Variants in NELL2 observed in about 807,000 individuals in gnomAD.
NELL2 encodes protein kinase C-binding protein NELL2.
A neutral mutation model predicts 109.6 loss-of-function variants in NELL2; 41 were observed. The ratio of observed to expected loss-of-function variants is 0.37; its 90% CI spans 0.29 to 0.49. The LOEUF (loss-of-function observed/expected upper bound fraction) is 0.49. Among genes scored for constraint, NELL2 ranks in the 20% least tolerant of loss-of-function variants. The pLI is 0.98. For synonymous variants in NELL2, 355 were observed against 344.7 expected (o/e 1.03, Z -0.33); for missense variants, 900 against 1,008.3 (o/e 0.89, Z 1.45).
At chr12:44,698,173 A>G (rs1282373048) in intron 12 of NELL2, among the ~76,000 whole-genome samples, 1 of 152,192 alleles carries the variant, frequency 6.6e-6, no homozygotes, top group Non-Finnish European at 1.5e-5. Context: ...TCATCTTAAC[A>G]CATTAAATCT....
intron 9 of NELL2, among the ~76,000 whole-genome samples, chr12:44,762,367 A>C (rs1359367633): frequency 6.6e-6 from 1 of 152,142 alleles, no homozygotes; most frequent in Non-Finnish European, 1.5e-5. Flanking sequence ...TCTTTCACTC[A>C]TACCCATTTC....
rs150515945 is a variant in NELL2 at position 44,701,799 on chromosome 12, C to T, written c.1318+1927G>A. Among the ~76,000 whole-genome samples the T allele has an allele frequency of 3.5e-3, 539 of 152,184 alleles. 9 individuals carry two copies. The highest frequency in any genetic ancestry group is 0.016 in the East Asian group (82 of 5,174). ...CAATTTCCACAGCTCCCCATCACTCCCAACACAATAGTTCATCTATCACAC... is the reference window on the plus strand; with the variant it reads ...CAATTTCCACAGCTCCCCATCACTCTCAACACAATAGTTCATCTATCACAC... On this transcript the variant is annotated intron_variant, in intron 12 of 19. Coordinates refer to ENST00000429094, the MANE Select transcript of NELL2 (RefSeq NM_001145108.2).
chr12:44,779,500 G>A (rs1941874185), intron 5 of NELL2, among the ~76,000 whole-genome samples, 163 bp downstream of exon 5: 1 of 152,012 alleles, frequency 6.6e-6, no homozygotes, highest in African/African-American at 2.4e-5. Flanking sequence ...AGAAAATAAT[G>A]TTTGCTGGCT....
At chr12:44,727,316 T>G (rs555553246) in intron 9 of NELL2, among the ~76,000 whole-genome samples, 1 of 152,232 alleles carries the variant, frequency 6.6e-6, no homozygotes, top group South Asian at 2.1e-4. Context: ...TAAGGATTAC[T>G]GGTGTAGACT....
chr12:44,561,178 C>T (rs1024640986), intron 15 of NELL2, among the ~76,000 whole-genome samples: 6 of 152,142 alleles, frequency 3.9e-5, no homozygotes, highest in South Asian at 2.1e-4. Context: ...TGGAATGTAT[C>T]TCAAAATAAT....
chr12:44,656,203 T>C (rs1432699961), intron 13 of NELL2, among the ~76,000 whole-genome samples: 2 of 152,164 alleles, frequency 1.3e-5, no homozygotes, highest in African/African-American at 4.8e-5. Context: ...CCCTGAATGT[T>C]TCCATTTAGT....
At chr12:44,578,442 A>G (rs1944195364) in intron 15 of NELL2, among the ~76,000 whole-genome samples, 1 of 151,968 alleles carries the variant, frequency 6.6e-6, no homozygotes, top group African/African-American at 2.4e-5. Context: ...GGAAAAAAAA[A>G]GGCCTAAGGC....
intron 12 of NELL2, among the ~76,000 whole-genome samples, chr12:44,683,224 T>C (rs1020616888): frequency 6.6e-6 from 1 of 152,200 alleles, no homozygotes; most frequent in African/African-American, 2.4e-5. Context: ...TCTGTTTGCC[T>C]GTTATTGGTG....
At chr12:44,852,385 T>C (rs761119434) in intron 2 of NELL2, among the ~76,000 whole-genome samples, 3 of 152,234 alleles carry the variant, frequency 2.0e-5, no homozygotes, top group Non-Finnish European at 4.4e-5. Context: ...TATATAACTT[T>C]AGAAAGTCTA....
At chr12:44,618,687 G>A (rs531443358) in intron 13 of NELL2, among the ~76,000 whole-genome samples, 4 of 152,178 alleles carry the variant, frequency 2.6e-5, no homozygotes, top group African/African-American at 9.6e-5. Context: ...TGACCCCAAG[G>A]AACTTCTTAA....
chr12:44,702,684 G>A (rs901023498), intron 12 of NELL2, among the ~76,000 whole-genome samples: 6 of 152,090 alleles, frequency 3.9e-5, no homozygotes, highest in Non-Finnish European at 8.8e-5. Flanking sequence ...ATTATGAATG[G>A]GGAAGGGAAG....
At chr12:44,513,313 C>A (rs979404724) in intron 19 of NELL2, among the ~76,000 whole-genome samples, 1 of 151,886 alleles carries the variant, frequency 6.6e-6, no homozygotes, top group Admixed American at 6.6e-5. Flanking sequence ...AAACAGTCTT[C>A]ACAAGAAGCC....
intron 1 of NELL2, among the ~76,000 whole-genome samples, chr12:44,903,953 G>A (rs1027872385): frequency 6.6e-6 from 1 of 151,924 alleles, no homozygotes; most frequent in Non-Finnish European, 1.5e-5. Flanking sequence ...GGGTTGATGG[G>A]TGCAGCAAAC....
At chr12:44,918,517 ATGTGTGTGTGTGTGTGTG>A (rs10589306), upstream of NELL2, among the ~76,000 whole-genome samples, 43 of 123,884 alleles carry the variant, frequency 3.5e-4, no homozygotes, top group African/African-American at 6.6e-4. Flanking sequence ...GCATGCATGT[ATGTGTGTGTGTGTGTGTG>A]TGTGTGTGTG....
intron 13 of NELL2, among the ~76,000 whole-genome samples, chr12:44,612,020 T>C (rs1945641034): frequency 1.3e-5 from 2 of 152,050 alleles, no homozygotes; most frequent in South Asian, 4.1e-4. Context: ...TAAATTACAT[T>C]GATTGAGCCA....
intron 2 of NELL2, among the ~76,000 whole-genome samples, chr12:44,842,388 T>C (rs1003920941): frequency 6.6e-6 from 1 of 152,064 alleles, no homozygotes; most frequent in Admixed American, 6.5e-5. Context: ...TGGATATACA[T>C]ATAGAAAAAA....
At chr12:44,662,309 T>G (rs1566110433) in intron 13 of NELL2, among the ~76,000 whole-genome samples, 1 of 152,198 alleles carries the variant, frequency 6.6e-6, no homozygotes, top group Admixed American at 6.5e-5. Flanking sequence ...GTTTAAATAA[T>G]GAACATAATG....
At chr12:44,728,485 T>G (rs934035498) in intron 9 of NELL2, among the ~76,000 whole-genome samples, 44 of 152,022 alleles carry the variant, frequency 2.9e-4, no homozygotes, top group Non-Finnish European at 6.0e-4. Flanking sequence ...CTAAAGGACT[T>G]ATGGGATAAC....
chr12:44,719,631 C>G (rs1352954307), intron 9 of NELL2, among the ~76,000 whole-genome samples: 1 of 152,086 alleles, frequency 6.6e-6, no homozygotes, highest in Non-Finnish European at 1.5e-5. Flanking sequence ...ATGGGACTTA[C>G]AGTTTCTTTA....
Sources: allele counts gnomAD v4.1 joint callset (sites outside exome capture counted in the v4.1 genomes callset), GRCh38; gene constraint gnomAD v4.1.1; transcripts MANE v1.5; gene names NCBI Gene and HGNC (gene_info 2026-07-23, HGNC 2026-07-21).